CEP104: variants seen among roughly 807,000 people sequenced by gnomAD.
CEP104 encodes centrosomal protein 104.
A neutral mutation model predicts 113.3 loss-of-function variants in CEP104; 84 were observed. The observed-to-expected ratio is 0.74, with a 90% CI of 0.62 to 0.89. The LOEUF (loss-of-function observed/expected upper bound fraction) is 0.89, where lower values mean the gene tolerates loss of function less well. CEP104 is among the 40% of genes least tolerant of loss of function. CEP104 has a pLI of 0.00. For synonymous variants in CEP104, 378 were observed against 421.7 expected (o/e 0.90, Z 1.27); for missense variants, 1,053 against 1,156.6 (o/e 0.91, Z 1.30).
At chr1:3,843,072 G>T in intron 6 of CEP104, 1 of 546,498 alleles carries the variant, frequency 1.8e-6, no homozygotes, top group Non-Finnish European at 3.4e-6. Flanking sequence ...ACAGGCGTGC[G>T]ACATAACGCT....
rs1643841451 is a variant in CEP104, at chr1:3,814,388, G to GT, written c.*1013dup. Reference sequence around the variant, plus strand: ...GGAGGGGATGGCTGGTTAGGAGACTGTTTTTTGAGGGTTGGTTTCATCATT... The same window carrying GT: ...GGAGGGGATGGCTGGTTAGGAGACTGTTTTTTTGAGGGTTGGTTTCATCATT... On this transcript the variant is annotated 3_prime_UTR_variant, in exon 22 of 22. Transcript: ENST00000378230. 1 of 152,230 alleles carries GT rather than the reference G, an allele frequency of 6.6e-6. No individual in the cohort carries two copies. 9.4% of individuals were successfully genotyped at this position (152,230 alleles called of 1,614,324 possible).
chr1:3,845,624 C>T (rs897211058), intron 4 of CEP104, among the ~76,000 whole-genome samples: 4 of 151,918 alleles, frequency 2.6e-5, no homozygotes, highest in Admixed American at 2.6e-4. Flanking sequence ...CCAGGCTGGA[C>T]TTAACCCCTT....
chr1:3,829,691 G>T, intron 14 of CEP104, 100 bp downstream of exon 14: 1 of 1,267,548 alleles, frequency 7.9e-7, no homozygotes, highest in Non-Finnish European at 1.1e-6. Context: ...TCCCATACAT[G>T]TGGCTCCTTC....
Position 3,837,433 on chromosome 1 carries a change from T to C in CEP104, c.978A>G (p.Gln326=), listed in dbSNP as rs769940156. ...GGTTTTCTGTTCCTCTTTCTTCCAG[T>C]TGTGGTAGTGAGGGCATTGGCTTTT... ...CHQKPMPSLP[Q]LEERGTENQF... is the part of the protein sequence containing the mutation. Residue 326 remains glutamine (Q), a synonymous_variant, in exon 9 of 22, where the codon CAA becomes CAG. Coordinates refer to ENST00000378230, the MANE Select transcript of CEP104 (RefSeq NM_014704.4). 3.1e-6 allele frequency: 5 copies of C among 1,614,072 alleles called. No homozygotes were observed. The highest frequency in any genetic ancestry group is 3.3e-5 in the Admixed American group (2 of 60,002).
intron 21 of CEP104, 36 bp downstream of exon 21, chr1:3,816,244 T>G: frequency 6.6e-7 from 1 of 1,515,844 alleles, no homozygotes; most frequent in Non-Finnish European, 8.9e-7. Context: ...AATGGAGGGA[T>G]GCAGACTACA....
At chr1:3,817,880 G>A (rs572493529) in intron 20 of CEP104, among the ~76,000 whole-genome samples, 8 of 152,342 alleles carry the variant, frequency 5.3e-5, no homozygotes, top group Non-Finnish European at 1.0e-4. Flanking sequence ...TCGCGAGAAC[G>A]CCGTGCCCAG....
At chr1:3,843,380 T>TG (rs2124683760) in intron 6 of CEP104, 2 of 509,054 alleles carry the variant, frequency 3.9e-6, no homozygotes, top group East Asian at 6.5e-5. Context: ...TGTATAATTT[T>TG]TTTTTTTTTT....
intron 4 of CEP104, among the ~76,000 whole-genome samples, chr1:3,846,678 C>A (rs535286817): frequency 6.6e-6 from 1 of 152,078 alleles, no homozygotes; most frequent in Non-Finnish European, 1.5e-5. Context: ...GGCTTCCTGG[C>A]GTGTTATGCT....
rs777795350 is a variant in CEP104, at chr1:3,829,340, T to C, written c.2077A>G (p.Lys693Glu). The C allele has an allele frequency of 1.7e-5, 27 of 1,608,490 alleles. No individual in the cohort carries two copies. The Middle Eastern group carries it at 1.2e-3, about 69-fold the overall frequency. The change falls in exon 15 of 22, where the codon AAA becomes GAA. Residue 693 changes from lysine (K) to glutamate (E), a missense_variant. Coordinates refer to ENST00000378230, the MANE Select transcript of CEP104 (RefSeq NM_014704.4). ...RRKAATEEAE[K>E]QKKEEIKALQ... ...GCTTTTATTTCTTCTTTCTTTTGTT[T>C]TTCTGCTTCTTCTGTAGCCGCTTTT... is the stretch of plus-strand genomic sequence containing the variant.
intron 12 of CEP104, among the ~76,000 whole-genome samples, chr1:3,832,604 C>A (rs1644238244): frequency 6.6e-6 from 1 of 151,104 alleles, no homozygotes; most frequent in Admixed American, 6.6e-5. Context: ...ATTAGCATTC[C>A]TTTTCCTTAT....
chr1:3,826,879 G>A (rs1236464049), intron 15 of CEP104, 135 bp from the exon 16 acceptor site: 1 of 885,388 alleles, frequency 1.1e-6, no homozygotes, highest in East Asian at 2.6e-5. Context: ...TGGCAAGGTG[G>A]CTCATGCCCG....
chr1:3,855,800 TA>T, intron 1 of CEP104: 1 of 690,068 alleles, frequency 1.4e-6, no homozygotes, highest in Non-Finnish European at 1.8e-6. Flanking sequence ...TTAGGCTCTA[TA>T]AAAATCACCA....
chr1:3,848,406 C>G (rs533395257), intron 3 of CEP104, among the ~76,000 whole-genome samples: 35 of 151,744 alleles, frequency 2.3e-4, no homozygotes, highest in Non-Finnish European at 4.1e-4. Context: ...ATGGCGGGCA[C>G]CTGTAGTCCC....
chr1:3,838,388 C>T (rs937969636), intron 8 of CEP104, among the ~76,000 whole-genome samples: 1 of 152,162 alleles, frequency 6.6e-6, no homozygotes. Flanking sequence ...TGGGCTCAAA[C>T]AATCCTCCAG....
In CEP104 at chr1:3,857,183, C is replaced by A. The variant is rs1214248412; in HGVS notation, c.-309G>T. The stretch of plus-strand genomic sequence containing the variant: ...CTGCCCATAGCCCCGGCCGCAGCCT[C>A]CACTCTCATGACAACCAAGCCCAGC... On this transcript the variant is annotated 5_prime_UTR_variant, in exon 1 of 22. An upstream open reading frame in the 5' UTR gains an earlier in-frame stop. Coordinates refer to ENST00000378230, the MANE Select transcript of CEP104 (RefSeq NM_014704.4). 1 of 157,682 alleles carries A rather than the reference C, an allele frequency of 6.3e-6. No individual in the cohort carries two copies. The highest frequency in any genetic ancestry group is 1.4e-5 in the Non-Finnish European group (1 of 71,886). The allele number at this position is 157,682 out of a possible 1,614,324, so 9.8% of individuals were successfully genotyped here. A position where few individuals can be genotyped will look rare whatever the true frequency, so the allele number is the denominator to read the frequency against.
chr1:3,841,284 GC>G (rs1472659084), intron 6 of CEP104, among the ~76,000 whole-genome samples: 7 of 152,068 alleles, frequency 4.6e-5, no homozygotes, highest in African/African-American at 1.7e-4. Flanking sequence ...AGCACTCACA[GC>G]CCCCCTCTGG....
chr1:3,812,460 TG>T lies in CEP104; in HGVS notation c.*2941del. On this transcript the variant is annotated 3_prime_UTR_variant, in exon 22 of 22. Coordinates refer to ENST00000378230, the MANE Select transcript of CEP104 (RefSeq NM_014704.4). ...ATTTTACAGTTCCTTTTTAATTTTT[TG>T]TACTTGATTCTTGGTCCCTTAACAA... 1 of 152,366 alleles carries T rather than the reference TG, an allele frequency of 6.6e-6. No homozygotes were observed. The highest frequency in any genetic ancestry group is 1.5e-5 in the Non-Finnish European group (1 of 68,032). 9.4% of individuals were successfully genotyped at this position (152,366 alleles called of 1,614,324 possible).
intron 10 of CEP104, 143 bp downstream of exon 10, chr1:3,836,352 G>A (rs1570809700): frequency 1.3e-6 from 1 of 798,660 alleles, no homozygotes; most frequent in Non-Finnish European, 1.9e-6. Context: ...AATTCAGGAA[G>A]AACAAAGGGA....
chr1:3,852,356 C>T lies in CEP104; in HGVS notation c.52G>A (p.Gly18Ser), dbSNP rs145413305. 9.0e-5 allele frequency: 145 copies of T among 1,614,012 alleles called. No homozygotes were observed. Among genetic ancestry groups the T allele is most frequent in the Admixed American group, 2.3e-4 (14 of 60,000 alleles). Residue 18 changes from glycine to serine, a missense_variant, in exon 2 of 22, where the codon GGC (glycine) becomes AGC (serine). Gly to Ser is a moderately conservative substitution (Grantham distance 56). Transcript: ENST00000378230. Reference protein sequence around the residue: ...VVVSSSGHEDGFSARELMIHA... With the variant: ...VVVSSSGHEDSFSARELMIHA... ...ATCATGAGCTCCCGGGCACTGAAGC[C>T]GTCTTCGTGTCCAGATGAGCTGACG...
Sources: allele counts gnomAD v4.1 joint callset (sites outside exome capture counted in the v4.1 genomes callset), GRCh38; gene constraint gnomAD v4.1.1; transcripts MANE v1.5; gene names NCBI Gene and HGNC (gene_info 2026-07-23, HGNC 2026-07-21).